Variants in GABRP observed in about 807,000 individuals in gnomAD.
GABRP encodes gamma-aminobutyric acid receptor subunit pi.
A neutral mutation model predicts 47.8 loss-of-function variants in GABRP; 52 were observed. The ratio of observed to expected loss-of-function variants is 1.09; its 90% CI spans 0.87 to 1.37. The LOEUF (loss-of-function observed/expected upper bound fraction) is 1.37. Ranked by LOEUF, GABRP falls within the 40% of genes most tolerant of loss-of-function variation. The pLI is 0.00. For synonymous variants in GABRP, 221 were observed against 205.8 expected (o/e 1.07, Z -0.63); for missense variants, 525 against 542.8 (o/e 0.97, Z 0.33).
intron 9 of GABRP, among the ~76,000 whole-genome samples, chr5:170,810,324 G>A (rs1360780306): frequency 2.0e-5 from 3 of 152,094 alleles, no homozygotes; most frequent in Non-Finnish European, 2.9e-5. Context: ...ACATGTGCCA[G>A]ACACAGTAAC....
At chr5:170,797,602 T>C (rs559328000) in intron 6 of GABRP, 54 bp downstream of exon 6, 1 of 1,045,192 alleles carries the variant, frequency 9.6e-7, no homozygotes, top group African/African-American at 1.6e-5. Flanking sequence ...GACTTAGGTG[T>C]GTGTATTCAT....
chr5:170,782,879 C>T (rs1284869749), upstream of GABRP: 2 of 152,462 alleles, frequency 1.3e-5, no homozygotes, highest in Non-Finnish European at 2.9e-5. Flanking sequence ...GGCCAAGCCT[C>T]CAAGGAATCC....
At chr5:170,808,980 A>T (rs1477343419) in intron 8 of GABRP, among the ~76,000 whole-genome samples, 1 of 151,900 alleles carries the variant, frequency 6.6e-6, no homozygotes. Flanking sequence ...CTTGTTGCCC[A>T]GGTTGGAGTG....
chr5:170,792,586 A>G (rs945338201), intron 3 of GABRP, among the ~76,000 whole-genome samples: 4 of 152,212 alleles, frequency 2.6e-5, no homozygotes, highest in Non-Finnish European at 5.9e-5. Flanking sequence ...TTCTCGTCTC[A>G]GAGCTGCACC....
chr5:170,797,603 G>A lies in GABRP; in HGVS notation c.541+55G>A. The A allele has an allele frequency of 5.7e-6, 6 of 1,045,862 alleles. No individual in the cohort carries two copies. The South Asian group carries it at 7.6e-5, about 13-fold the overall frequency. 64.8% of individuals were successfully genotyped at this position (1,045,862 alleles called of 1,614,324 possible). A position where few individuals can be genotyped will look rare whatever the true frequency, so the allele number is the denominator to read the frequency against. ...TGATTTTCCTGGGTGACTTAGGTGT[G>A]TGTATTCATGAAAAGTATCTCATAC... On this transcript the variant is annotated intron_variant, in intron 6 of 9. Transcript: ENST00000265294.
At chr5:170,791,196 GGGTA>G (rs1765257343) in intron 3 of GABRP, among the ~76,000 whole-genome samples, 1 of 152,216 alleles carries the variant, frequency 6.6e-6, no homozygotes, top group African/African-American at 2.4e-5. Flanking sequence ...AGGGAGCCTG[GGGTA>G]GGCCTAAAGG....
chr5:170,785,014 C>T (rs1315273604), intron 1 of GABRP, among the ~76,000 whole-genome samples: 1 of 152,242 alleles, frequency 6.6e-6, no homozygotes, highest in African/African-American at 2.4e-5. Context: ...TCTCTGGTGG[C>T]TCAGTACCTC....
chr5:170,809,829 T>C, intron 9 of GABRP, 74 bp downstream of exon 9: 1 of 1,435,422 alleles, frequency 7.0e-7, no homozygotes, highest in South Asian at 1.3e-5. Context: ...GGGCTGGACC[T>C]GGCTTCTATC....
At position 170,795,411 on chromosome 5, in the gene GABRP, C is replaced by T. The variant is rs763215693; in HGVS notation, c.444C>T (p.Val148=). The change falls in exon 5 of 10, where the codon GTC becomes GTT. Residue 148 remains valine (V), a synonymous_variant. Coordinates refer to ENST00000265294, the MANE Select transcript of GABRP (RefSeq NM_014211.3). The part of the protein sequence containing the change: ...RLIRLFSNGT[V]LYALRITTTV... ...TCCGCCTCTTCTCCAATGGCACGGT[C>T]CTGTATGCCCTCAGGTACGCGGACA... is the stretch of plus-strand genomic sequence containing the variant. The T allele has an allele frequency of 6.2e-7, 1 of 1,613,988 alleles. No homozygotes were observed. The highest frequency in any genetic ancestry group is 8.5e-7 in the Non-Finnish European group (1 of 1,179,944).
chr5:170,789,997 A>C (rs1474712639), intron 3 of GABRP, among the ~76,000 whole-genome samples: 2 of 152,130 alleles, frequency 1.3e-5, no homozygotes, highest in African/African-American at 4.8e-5. Flanking sequence ...CCTTGTGAAC[A>C]TGCCTCAAAA....
intron 1 of GABRP, chr5:170,788,129 T>A (rs1356959069): frequency 3.3e-5 from 5 of 152,570 alleles, no homozygotes; most frequent in Admixed American, 3.3e-4. Flanking sequence ...GGCAGATGGA[T>A]CGCTTGAGCT....
chr5:170,808,158 C>A (rs964048857), intron 7 of GABRP, among the ~76,000 whole-genome samples: 8 of 152,154 alleles, frequency 5.3e-5, no homozygotes, highest in African/African-American at 1.7e-4. Flanking sequence ...CTGAAATCAT[C>A]AAAAATTCAC....
chr5:170,808,509 G>C, intron 7 of GABRP, 91 bp from the exon 8 acceptor site: 1 of 1,046,626 alleles, frequency 9.6e-7, no homozygotes, highest in Non-Finnish European at 1.4e-6. Flanking sequence ...CAATGACAGA[G>C]GGCTTAATGT....
In GABRP at chr5:170,805,868, A is replaced by C; in HGVS notation, c.679+15A>C. 1.2e-6 allele frequency: 2 copies of C among 1,612,078 alleles called. No homozygotes were observed. Among genetic ancestry groups the C allele is most frequent in the Non-Finnish European group, 1.7e-6 (2 of 1,178,670 alleles). ...GCAGGAGACAGGTAACTCATGTGAC[A>C]AACTGTATGAAATAAAAATAAGTGA... On this transcript the variant is annotated intron_variant, in intron 7 of 9. Transcript: ENST00000265294.
rs547149872 is a variant in GABRP, at chr5:170,796,032, A to G, written c.458+607A>G. ...CTGAAGCTCAAGTTCCTTTCACCCAATTGTTAATGGAGCCGGGTTGGATGG... is the reference window on the plus strand; with the variant it reads ...CTGAAGCTCAAGTTCCTTTCACCCAGTTGTTAATGGAGCCGGGTTGGATGG... On this transcript the variant is annotated intron_variant, in intron 5 of 9. Coordinates refer to ENST00000265294, the MANE Select transcript of GABRP (RefSeq NM_014211.3). Among the ~76,000 whole-genome samples the G allele has an allele frequency of 1.8e-4, 27 of 152,224 alleles. 1 individual carries two copies. Among genetic ancestry groups the G allele is most frequent in the African/African-American group, 6.0e-4 (25 of 41,552 alleles).
At chr5:170,795,069 C>T in intron 4 of GABRP, 139 bp from the exon 5 acceptor site, 3 of 690,894 alleles carry the variant, frequency 4.3e-6, no homozygotes, top group Non-Finnish European at 7.8e-6. Flanking sequence ...AGAATGGTAA[C>T]TTTATTCACC....
intron 6 of GABRP, among the ~76,000 whole-genome samples, chr5:170,803,727 G>T (rs973973907): frequency 1.3e-5 from 2 of 150,474 alleles, no homozygotes; most frequent in African/African-American, 4.9e-5. Context: ...TCTTATAAAT[G>T]GAATCATGCA....
intron 9 of GABRP, 32 bp from the exon 10 acceptor site, chr5:170,811,924 C>A (rs1406291792): frequency 6.3e-6 from 10 of 1,595,882 alleles, no homozygotes; most frequent in South Asian, 1.1e-5. Context: ...TGAGTCAAGT[C>A]TTTTAAGCTA....
In GABRP at chr5:170,805,831, C is replaced by A; in HGVS notation, c.657C>A (p.Val219=). The change falls in exon 7 of 10, where the codon GTC becomes GTA. Residue 219 remains valine (V), a synonymous_variant. Transcript: ENST00000265294. Reference sequence around the variant, plus strand: ...CCATAGAGCGGTATTTCACCTTAGTCACCAGATCGCAGCAGGAGACAGGTA... The same window carrying A: ...CCATAGAGCGGTATTTCACCTTAGTAACCAGATCGCAGCAGGAGACAGGTA... ...QYTIERYFTL[V]TRSQQETGNY... is the part of the protein sequence containing the mutation. 1 of 1,614,134 alleles carries A rather than the reference C, an allele frequency of 6.2e-7. No individual in the cohort carries two copies. The highest frequency in any genetic ancestry group is 1.1e-5 in the South Asian group (1 of 91,064).
Sources: allele counts gnomAD v4.1 joint callset (sites outside exome capture counted in the v4.1 genomes callset), GRCh38; gene constraint gnomAD v4.1.1; transcripts MANE v1.5; gene names NCBI Gene and HGNC (gene_info 2026-07-23, HGNC 2026-07-21).